The following ABCA1 variants were observed in gnomAD, a reference collection of about 807,000 sequenced individuals.
The protein encoded by ABCA1 is ATP binding cassette subfamily A member 1.
In ABCA1, 133 loss-of-function variants were observed where a neutral mutation model predicts 262.5. The ratio of observed to expected loss-of-function variants is 0.51; its 90% CI spans 0.44 to 0.59. The LOEUF (loss-of-function observed/expected upper bound fraction) is 0.59. Ranked by LOEUF, ABCA1 falls within the 20% of genes least tolerant of loss-of-function variation. The probability of loss-of-function intolerance (pLI) is 0.00; values close to 1 mark genes in which losing one functional copy is unlikely to be tolerated. For synonymous variants in ABCA1, 1,022 were observed against 1,043.5 expected, an observed-to-expected ratio of 0.98 and a Z score of 0.40; for missense variants, 2,452 against 2,777.5, an observed-to-expected ratio of 0.88 and a Z score of 2.63.
chr9:104,849,977 T>A (rs1230138605), intron 7 of ABCA1, among the ~76,000 whole-genome samples: 2 of 152,170 alleles, frequency 1.3e-5, no homozygotes, highest in Non-Finnish European at 2.9e-5. Flanking sequence ...GATTAAAACA[T>A]CCAACTGCAA....
Position 104,786,389 on chromosome 9 carries a change from T to C in ABCA1, c.6310A>G (p.Met2104Val). 1 of 1,613,960 alleles carries C rather than the reference T, an allele frequency of 6.2e-7. No individual in the cohort carries two copies. Among genetic ancestry groups the C allele is most frequent in the Non-Finnish European group, 8.5e-7 (1 of 1,179,838 alleles). Residue 2104 changes from methionine (M) to valine (V), a missense_variant and splice_region_variant, in exon 48 of 50, where the codon ATG becomes GTG. Met to Val is a conservative substitution (Grantham distance 21). Transcript: ENST00000374736. ...GTGCAAAGAGCTTCACATTCTTCCATACTGCGGTAAAACAGAAAGAGGTTT... is the reference window on the plus strand; with the variant it reads ...GTGCAAAGAGCTTCACATTCTTCCACACTGCGGTAAAACAGAAAGAGGTTT... ...GRSVVLTSHSMEECEALCTRM... is the reference protein window; with the variant it reads ...GRSVVLTSHSVEECEALCTRM...
In ABCA1 at chr9:104,837,454, G is replaced by C; in HGVS notation, c.1168C>G (p.Pro390Ala). 1.9e-6 allele frequency: 3 copies of C among 1,614,080 alleles called. No homozygotes were observed. Among genetic ancestry groups the C allele is most frequent in the Non-Finnish European group, 2.5e-6 (3 of 1,179,950 alleles). Residue 390 changes from proline to alanine, a missense_variant, in exon 10 of 50, where the codon CCA becomes GCA. Pro to Ala is a conservative substitution (Grantham distance 27). Around this residue, in one of 4 missense-constraint regions of ABCA1, gnomAD observed 1,032 missense variants for 1,089.7 expected, o/e 0.95. Transcript: ENST00000374736. ...VGKILYTPDT[P>A]ATRQVMAEVN... ...TCAGCCATGACCTGCCTTGTGGCTG[G>C]AGTGTCAGGTGTATACAGGATCTTC...
Position 104,814,724 on chromosome 9 carries a change from T to G in ABCA1, c.3739-249A>C, listed in dbSNP as rs185658974. Among the ~76,000 whole-genome samples, 430 of 152,258 alleles carry G rather than the reference T, an allele frequency of 2.8e-3. 2 individuals carry two copies. The highest frequency in any genetic ancestry group is 1.0e-2 in the African/African-American group (415 of 41,558). On this transcript the variant is annotated intron_variant, in intron 25 of 49. Coordinates refer to ENST00000374736, the MANE Select transcript of ABCA1 (RefSeq NM_005502.4). ...TCAAATTAAAGTTATGGCTGAGCGC[T>G]GTGGCTCAGGCCTATAATCCCAGCA...
At chr9:104,886,292 GTCAGGA>G (rs1209977951) in intron 3 of ABCA1, among the ~76,000 whole-genome samples, 1 of 152,116 alleles carries the variant, frequency 6.6e-6, no homozygotes, top group African/African-American at 2.4e-5. Context: ...TTAATCCAAA[GTCAGGA>G]CTTGCTGCAC....
intron 11 of ABCA1, among the ~76,000 whole-genome samples, chr9:104,833,240 GA>G (rs1383555219): frequency 1.3e-5 from 2 of 152,198 alleles, no homozygotes; most frequent in Non-Finnish European, 2.9e-5. Context: ...GGAGTGCAGT[GA>G]TGGAATCACA....
At chr9:104,889,949 C>T (rs577231637) in intron 2 of ABCA1, among the ~76,000 whole-genome samples, 1 of 152,290 alleles carries the variant, frequency 6.6e-6, no homozygotes, top group South Asian at 2.1e-4. Context: ...AAGCATGATA[C>T]ACTGGTTAAA....
intron 9 of ABCA1, among the ~76,000 whole-genome samples, chr9:104,838,601 A>G (rs1047640152): frequency 2.7e-5 from 4 of 150,378 alleles, no homozygotes; most frequent in African/African-American, 7.4e-5. Context: ...TGGGCAACGG[A>G]GCGAGACTCC....
intron 11 of ABCA1, 31 bp downstream of exon 11, chr9:104,836,949 G>T: frequency 6.5e-7 from 1 of 1,544,050 alleles, no homozygotes; most frequent in Non-Finnish European, 9.0e-7. Context: ...GTATCAAGCA[G>T]GCACATGGTA....
At position 104,840,417 on chromosome 9, in the gene ABCA1, G is replaced by A. The variant is rs369985671; in HGVS notation, c.916C>T (p.Arg306Cys). 7 of 1,614,138 alleles carry A rather than the reference G, an allele frequency of 4.3e-6. No individual in the cohort carries two copies. The highest frequency in any genetic ancestry group is 1.3e-5 in the African/African-American group (1 of 75,018). ...SSTQIYQAVS[R>C]IVCGHPEGGG... is the part of the protein sequence containing the mutation. ...CCCTCGGGATGCCCGCAGACAATAC[G>A]AGACACAGCCTGGTAGATTTGGGTG... The change falls in exon 9 of 50, where the codon CGT (arginine) becomes TGT (cysteine). Residue 306 changes from arginine (R) to cysteine (C), a missense_variant. By Grantham distance (180) the Arg-to-Cys change is radical. Around this residue, in one of 4 missense-constraint regions of ABCA1, gnomAD observed 1,032 missense variants for 1,089.7 expected, o/e 0.95. Coordinates refer to ENST00000374736, the MANE Select transcript of ABCA1 (RefSeq NM_005502.4).
intron 30 of ABCA1, among the ~76,000 whole-genome samples, chr9:104,808,899 G>A (rs1009250267): frequency 6.6e-6 from 1 of 151,996 alleles, no homozygotes; most frequent in Admixed American, 6.5e-5. Flanking sequence ...GTGATCTGGT[G>A]ACCTCCCTTC....
chr9:104,913,356 T>C (rs1461543665), intron 1 of ABCA1, among the ~76,000 whole-genome samples: 1 of 152,216 alleles, frequency 6.6e-6, no homozygotes, highest in Admixed American at 6.5e-5. Context: ...TCTGGAACCC[T>C]AGGGACTCTG....
At position 104,872,735 on chromosome 9, in the gene ABCA1, A is replaced by G. The variant is rs970893698; in HGVS notation, c.421+10304T>C. Among the ~76,000 whole-genome samples, 4 of 152,254 alleles carry G rather than the reference A, an allele frequency of 2.6e-5. No homozygotes were observed. In the East Asian group the frequency reaches 5.8e-4, roughly 22 times the overall value. The stretch of plus-strand genomic sequence containing the variant: ...AGGACCAGAAATGGGAAAGCTTTCA[A>G]TGAGAAACAAACTGGACTCCCAAAT... On this transcript the variant is annotated intron_variant, in intron 5 of 49. Transcript: ENST00000374736.
intron 36 of ABCA1, among the ~76,000 whole-genome samples, chr9:104,798,960 G>A (rs1219510488): frequency 2.0e-5 from 3 of 152,226 alleles, no homozygotes; most frequent in Admixed American, 1.3e-4. Flanking sequence ...GACTAGTGGG[G>A]CTTGAAAACT....
At chr9:104,831,387 T>A (rs546945678) in intron 13 of ABCA1, among the ~76,000 whole-genome samples, 1 of 152,082 alleles carries the variant, frequency 6.6e-6, no homozygotes, top group Non-Finnish European at 1.5e-5. Context: ...TTCCTGGAAT[T>A]AATTCCCTTG....
chr9:104,895,137 A>G (rs1268915903), intron 2 of ABCA1, among the ~76,000 whole-genome samples: 1 of 152,192 alleles, frequency 6.6e-6, no homozygotes, highest in Non-Finnish European at 1.5e-5. Context: ...ACTCTTCTAA[A>G]TCTTGCTTTG....
At position 104,819,583 on chromosome 9, in the gene ABCA1, C is replaced by T. The variant is rs1347082720; in HGVS notation, c.3241+3G>A. ...TTACTCAGAATAAATACACATCAGG[C>T]ACCTTGTCGGTATTTCAGCAGCAGC... On this transcript the variant is annotated splice_donor_region_variant and intron_variant, in intron 22 of 49. Transcript: ENST00000374736. 1 of 1,614,176 alleles carries T rather than the reference C, an allele frequency of 6.2e-7. No individual in the cohort carries two copies. The highest frequency in any genetic ancestry group is 8.5e-7 in the Non-Finnish European group (1 of 1,180,038).
intron 6 of ABCA1, chr9:104,861,469 T>A (rs2487059): frequency 9.5e-6 from 6 of 634,554 alleles, no homozygotes; most frequent in African/African-American, 7.3e-5. Context: ...TTTAACCAGC[T>A]GGCCCATGAC....
chr9:104,806,446 A>T lies in ABCA1; in HGVS notation c.4275-16T>A. On this transcript the variant is annotated splice_polypyrimidine_tract_variant and intron_variant, in intron 30 of 49. Coordinates refer to ENST00000374736, the MANE Select transcript of ABCA1 (RefSeq NM_005502.4). ...GGGCGTGTCTCTGCAAAGGGAAGAC[A>T]GCAAGAGTAGGATTACCAGAGATGG... The T allele has an allele frequency of 6.2e-7, 1 of 1,613,968 alleles. No individual in the cohort carries two copies. The highest frequency in any genetic ancestry group is 8.5e-7 in the Non-Finnish European group (1 of 1,179,916).
chr9:104,850,678 C>A (rs1428057330), intron 7 of ABCA1, among the ~76,000 whole-genome samples: 2 of 152,208 alleles, frequency 1.3e-5, no homozygotes, highest in Admixed American at 6.5e-5. Flanking sequence ...TGTGTCTGCA[C>A]CTGCTATTAA....
Sources: allele counts gnomAD v4.1 joint callset (sites outside exome capture counted in the v4.1 genomes callset), GRCh38; gene constraint gnomAD v4.1.1; regional missense constraint gnomAD v4.1.1; transcripts MANE v1.5; gene names NCBI Gene and HGNC (gene_info 2026-07-23, HGNC 2026-07-21).